Variants in PLEKHA4 observed in about 807,000 individuals in gnomAD.
The protein encoded by PLEKHA4 is pleckstrin homology domain-containing family A member 4.
Under a neutral mutation model 94.7 loss-of-function variants are expected in PLEKHA4, and 73 were observed. The ratio of observed to expected loss-of-function variants is 0.77; its 90% CI spans 0.64 to 0.94. The LOEUF (loss-of-function observed/expected upper bound fraction) is 0.94, where lower values mean the gene tolerates loss of function less well. PLEKHA4 is among the 40% of genes least tolerant of loss of function. PLEKHA4 has a pLI of 0.00. For synonymous variants in PLEKHA4, 449 were observed against 437.1 expected, an observed-to-expected ratio of 1.03 and a Z score of -0.34; for missense variants, 1,049 against 1,054.1, an observed-to-expected ratio of 1.00 and a Z score of 0.07.
intron 16 of PLEKHA4, among the ~76,000 whole-genome samples, chr19:48,841,932 C>CAAG (rs2035783372): frequency 6.6e-6 from 1 of 152,206 alleles, no homozygotes; most frequent in Admixed American, 6.6e-5. Context: ...GGTGACAGGG[C>CAAG]AAGATCCCGT....
rs780688261 is a variant in PLEKHA4 at position 48,841,293 on chromosome 19, G to C, written c.1761C>G (p.Pro587=). The part of the protein sequence containing the change: ...QLGTKAPVAR[P]RMSAQEQLER... ...CCAGCTGCTCCTGGGCACTCATCCG[G>C]GGCCGGGCCACCGGGGCCTAGGGAG... Residue 587 remains proline (P), a synonymous_variant, in exon 17 of 20, where the codon CCC becomes CCG. Coordinates refer to ENST00000263265, the MANE Select transcript of PLEKHA4 (RefSeq NM_020904.3). The C allele has an allele frequency of 1.9e-6, 3 of 1,611,626 alleles. No homozygotes were observed. In the South Asian group the frequency reaches 3.3e-5, roughly 18 times the overall value.
At chr19:48,860,199 T>C in intron 6 of PLEKHA4, 151 bp downstream of exon 6, 1 of 646,848 alleles carries the variant, frequency 1.5e-6, no homozygotes, top group Non-Finnish European at 2.7e-6. Flanking sequence ...TTGGAAAAGT[T>C]CCCTGGAGGT....
At chr19:48,842,143 CTTTTTT>C in intron 16 of PLEKHA4, among the ~76,000 whole-genome samples, 2 of 121,434 alleles carry the variant, frequency 1.6e-5, no homozygotes. Context: ...AATTTATTTT[CTTTTTT>C]TTTTTTTTTT....
chr19:48,838,200 C>A, intron 18 of PLEKHA4, 71 bp from the exon 19 acceptor site: 1 of 910,470 alleles, frequency 1.1e-6, no homozygotes, highest in Non-Finnish European at 1.7e-6. Flanking sequence ...TTAATTGGTA[C>A]AAAAAGAAAA....
chr19:48,852,219 G>T lies in PLEKHA4; in HGVS notation c.1425+9C>A. 1 of 1,611,416 alleles carries T rather than the reference G, an allele frequency of 6.2e-7. No homozygotes were observed. Among genetic ancestry groups the T allele is most frequent in the Non-Finnish European group, 8.5e-7 (1 of 1,177,566 alleles). ...GGGTGGGTCTTGGGGTCTCCAAGCAGCGATTTACCTGGGGAGAACCAAGGT... is the reference window on the plus strand; with the variant it reads ...GGGTGGGTCTTGGGGTCTCCAAGCATCGATTTACCTGGGGAGAACCAAGGT... On this transcript the variant is annotated intron_variant, in intron 13 of 19. Coordinates refer to ENST00000263265, the MANE Select transcript of PLEKHA4 (RefSeq NM_020904.3).
At chr19:48,848,497 A>AC (rs1293596626) in intron 13 of PLEKHA4, among the ~76,000 whole-genome samples, 1 of 148,482 alleles carries the variant, frequency 6.7e-6, no homozygotes, top group African/African-American at 2.5e-5. Context: ...AAAAAAAAAA[A>AC]AAAACTGTCT....
chr19:48,854,265 C>T lies in PLEKHA4; in HGVS notation c.1048-1G>A, dbSNP rs766376490. ...AAGTTGACTCCAGGGGAGGACCCGG[C>T]TGAAGAGAAGGAAAAAAGTCAGGGG... is the stretch of plus-strand genomic sequence containing the variant. On this transcript the variant is annotated splice_acceptor_variant, in intron 9 of 19. Transcript: ENST00000263265. LOFTEE classifies it high-confidence loss of function. 6.2e-7 allele frequency: 1 copy of T among 1,614,014 alleles called. No individual in the cohort carries two copies. The highest frequency in any genetic ancestry group is 1.1e-5 in the South Asian group (1 of 91,082).
rs931037823 is a variant in PLEKHA4, at chr19:48,862,492, C to T, written c.193-800G>A. Among the ~76,000 whole-genome samples the T allele has an allele frequency of 4.6e-5, 7 of 151,392 alleles. No individual in the cohort carries two copies. The East Asian group carries it at 5.9e-4, about 13-fold the overall frequency. On this transcript the variant is annotated intron_variant, in intron 3 of 19. Coordinates refer to ENST00000263265, the MANE Select transcript of PLEKHA4 (RefSeq NM_020904.3). ...CTGGGGTTACAGGCGTGAGCCACTG[C>T]GTCTGGCCTCCCCCACTTTCTTTTT...
At chr19:48,845,657 A>G in intron 14 of PLEKHA4, 41 bp from the exon 15 acceptor site, 1 of 1,339,070 alleles carries the variant, frequency 7.5e-7, no homozygotes, top group Non-Finnish European at 1.0e-6. Flanking sequence ...GATCATTATA[A>G]TAATTATTAT....
At chr19:48,848,890 G>T (rs1416447208) in intron 13 of PLEKHA4, among the ~76,000 whole-genome samples, 2 of 151,910 alleles carry the variant, frequency 1.3e-5, no homozygotes, top group Non-Finnish European at 2.9e-5. Flanking sequence ...ATACGAATAT[G>T]AGAGTCTGTT....
At chr19:48,859,873 C>T (rs2036570569) in intron 6 of PLEKHA4, 189 bp from the exon 7 acceptor site, 2 of 633,436 alleles carry the variant, frequency 3.2e-6, no homozygotes, top group Admixed American at 3.0e-5. Flanking sequence ...CAGGCCACAA[C>T]GTCTATCCAG....
intron 16 of PLEKHA4, chr19:48,844,283 T>C (rs979092025): frequency 3.5e-5 from 7 of 200,518 alleles, no homozygotes; most frequent in Non-Finnish European, 5.3e-5. Context: ...GCCTCCCAAG[T>C]AGCTGGGATT....
rs989092780 is a variant in PLEKHA4, at chr19:48,859,998, T to A, written c.477-314A>T. On this transcript the variant is annotated intron_variant, in intron 6 of 19. Coordinates refer to ENST00000263265, the MANE Select transcript of PLEKHA4 (RefSeq NM_020904.3). Reference sequence around the variant, plus strand: ...CCTAAGAGATAGTCTGACATTTTTTTAAAATCTGATACTATCTTTTACCTG... The same window carrying A: ...CCTAAGAGATAGTCTGACATTTTTTAAAAATCTGATACTATCTTTTACCTG... The A allele has an allele frequency of 1.1e-4, 63 of 559,134 alleles. No homozygotes were observed. The East Asian group carries it at 1.1e-3, about 10-fold the overall frequency. 34.6% of individuals were successfully genotyped at this position (559,134 alleles called of 1,614,324 possible). A position where few individuals can be genotyped will look rare whatever the true frequency, so the allele number is the denominator to read the frequency against.
Position 48,848,403 on chromosome 19 carries a change from G to A in PLEKHA4, c.1426-363C>T, listed in dbSNP as rs879597145. 2.9e-3 allele frequency among the ~76,000 whole-genome samples: 435 copies of A among 148,196 alleles called. 1 individual carries two copies. Among genetic ancestry groups the A allele is most frequent in the Non-Finnish European group, 4.9e-3 (326 of 66,972 alleles). The stretch of plus-strand genomic sequence containing the variant: ...TGGGAGGCTGAGGCAGGAGAATGGC[G>A]TGAACCCGGGAGGCGGAGCTTGCAG... On this transcript the variant is annotated intron_variant, in intron 13 of 19. Coordinates refer to ENST00000263265, the MANE Select transcript of PLEKHA4 (RefSeq NM_020904.3).
chr19:48,839,157 T>G (rs1171093439), intron 18 of PLEKHA4, 48 bp downstream of exon 18: 6 of 1,467,184 alleles, frequency 4.1e-6, no homozygotes, highest in Non-Finnish European at 9.3e-7. Flanking sequence ...CCTTTGCTTT[T>G]GCAAATTTTT....
intron 7 of PLEKHA4, 110 bp downstream of exon 7, chr19:48,859,359 C>A: frequency 1.7e-6 from 2 of 1,205,094 alleles, no homozygotes; most frequent in Admixed American, 2.4e-5. Flanking sequence ...CCACGGGAGC[C>A]CCAGCAAGTC....
At chr19:48,866,980 T>C (rs139992188) in intron 2 of PLEKHA4, among the ~76,000 whole-genome samples, 1 of 152,222 alleles carries the variant, frequency 6.6e-6, no homozygotes, top group Non-Finnish European at 1.5e-5. Flanking sequence ...TGCCCTTCCT[T>C]GGAAGCGGTG....
Position 48,867,562 on chromosome 19 carries a change from G to C in PLEKHA4, c.59C>G (p.Ser20Cys). 6.2e-7 allele frequency: 1 copy of C among 1,601,908 alleles called. No individual in the cohort carries two copies. The highest frequency in any genetic ancestry group is 1.3e-5 in the African/African-American group (1 of 74,950). Residue 20 changes from serine (S) to cysteine (C), a missense_variant, in exon 2 of 20, where the codon TCC becomes TGC. Coordinates refer to ENST00000263265, the MANE Select transcript of PLEKHA4 (RefSeq NM_020904.3). The surrounding 1 kb of genome is among the most constrained non-coding windows in gnomAD (Gnocchi z 4.7). ...LSLASSASTI[S>C]SLSSLSPKKP... ...CTTGGGGCTCAGGCTGCTGAGCGAGGAGATGGTGGAGGCGCTGCTGGCCAG... is the reference window on the plus strand; with the variant it reads ...CTTGGGGCTCAGGCTGCTGAGCGAGCAGATGGTGGAGGCGCTGCTGGCCAG...
chr19:48,842,591 A>C (rs2035811106), intron 16 of PLEKHA4, among the ~76,000 whole-genome samples: 1 of 152,202 alleles, frequency 6.6e-6, no homozygotes, highest in Non-Finnish European at 1.5e-5. Context: ...CCTGCTTTGT[A>C]TACCCTGAAA....
Sources: allele counts gnomAD v4.1 joint callset (sites outside exome capture counted in the v4.1 genomes callset), GRCh38; gene constraint gnomAD v4.1.1; non-coding constraint Gnocchi (gnomAD v3.1); transcripts MANE v1.5; gene names NCBI Gene and HGNC (gene_info 2026-07-23, HGNC 2026-07-21).